The following TXLNG variants were observed in gnomAD, a reference collection of about 807,000 sequenced individuals.
TXLNG encodes gamma-taxilin.
In TXLNG, 5 loss-of-function variants were observed where a neutral mutation model predicts 38.8. The ratio of observed to expected loss-of-function variants is 0.13; its 90% CI spans 0.07 to 0.27. The LOEUF (loss-of-function observed/expected upper bound fraction) is 0.27. TXLNG is among the 10% of genes least tolerant of loss of function. The pLI, the probability that TXLNG is intolerant of heterozygous loss-of-function variation, is 1.00. For synonymous variants in TXLNG, 182 were observed against 158.2 expected, an observed-to-expected ratio of 1.15 and a Z score of -1.13; for missense variants, 393 against 398.2, an observed-to-expected ratio of 0.99 and a Z score of 0.11.
intron 1 of TXLNG, among the ~76,000 whole-genome samples, chrX:16,815,493 C>T (rs963301557): frequency 9.4e-6 from 1 of 106,310 alleles, no homozygotes; most frequent in East Asian, 3.0e-4. Flanking sequence ...CATTCTTATA[C>T]CTAATGGTTT....
At chrX:16,828,700 A>G (rs1180664276) in intron 4 of TXLNG, among the ~76,000 whole-genome samples, 1 of 111,804 alleles carries the variant, frequency 8.9e-6, no homozygotes, top group African/African-American at 3.3e-5. Flanking sequence ...CCACTGGCCC[A>G]CCCCCAGCCA....
intron 4 of TXLNG, among the ~76,000 whole-genome samples, chrX:16,829,161 T>G (rs1469409764): frequency 8.9e-6 from 1 of 111,943 alleles, no homozygotes; most frequent in Non-Finnish European, 1.9e-5. Flanking sequence ...TTCTTTTTAA[T>G]CATCAGAAAG....
chrX:16,788,667 G>GTTTTT (rs10668899), intron 1 of TXLNG, among the ~76,000 whole-genome samples: 4,277 of 80,174 alleles, frequency 0.053, 347 homozygotes, highest in African/African-American at 0.15. Flanking sequence ...AACTTGTTGT[G>GTTTTT]TTTTTTTTTT....
In TXLNG at chrX:16,818,815, G is replaced by A. The variant is rs143490821; in HGVS notation, c.344G>A (p.Arg115Gln). 4.2e-5 allele frequency: 51 copies of A among 1,210,183 alleles called. No homozygotes were observed. The highest frequency in any genetic ancestry group is 5.4e-5 in the Non-Finnish European group (48 of 895,301). ...GAGGAAATCCCTGGGGGAGAAGCTC[G>A]AACAGATCCCCCTGATGGTCAGCAA... ...SREEIPGGEARTDPPDGQQDS... is the reference protein window; with the variant it reads ...SREEIPGGEAQTDPPDGQQDS... Residue 115 changes from arginine to glutamine, a missense_variant, in exon 2 of 10, where the codon CGA (arginine) becomes CAA (glutamine). By Grantham distance (43) the Arg-to-Gln change is conservative (BLOSUM62 1). Coordinates refer to ENST00000380122, the MANE Select transcript of TXLNG (RefSeq NM_018360.3).
At position 16,843,908 on chromosome X, in the gene TXLNG, C is replaced by A. The variant is rs1929977555; in HGVS notation, c.*2142C>A. The A allele has an allele frequency of 9.0e-6, 1 of 111,336 alleles. No individual in the cohort carries two copies. Among genetic ancestry groups the A allele is most frequent in the East Asian group, 2.8e-4 (1 of 3,600 alleles). The allele number at this position is 111,336 out of a possible 1,213,427, so 9.2% of individuals were successfully genotyped here. A position where few individuals can be genotyped will look rare whatever the true frequency, so the allele number is the denominator to read the frequency against. On this transcript the variant is annotated 3_prime_UTR_variant, in exon 10 of 10. Transcript: ENST00000380122. ...CCCTGTGAATAAAAACAAATGGGACCCCCTGAGAAGGACATCTTCCTACAG... is the reference window on the plus strand; with the variant it reads ...CCCTGTGAATAAAAACAAATGGGACACCCTGAGAAGGACATCTTCCTACAG...
intron 1 of TXLNG, among the ~76,000 whole-genome samples, chrX:16,795,243 C>T (rs942462471): frequency 2.7e-5 from 3 of 110,595 alleles, no homozygotes; most frequent in Non-Finnish European, 5.7e-5. Context: ...CGCCACTGCA[C>T]TCCAGCCTGG....
intron 1 of TXLNG, among the ~76,000 whole-genome samples, chrX:16,795,922 C>T (rs1183601332): frequency 2.8e-5 from 3 of 108,363 alleles, no homozygotes. Flanking sequence ...AAACAGTTCT[C>T]CAGCCTCAGT....
intron 1 of TXLNG, among the ~76,000 whole-genome samples, chrX:16,817,318 G>T (rs1052110126): frequency 2.4e-4 from 27 of 112,243 alleles, no homozygotes; most frequent in African/African-American, 8.7e-4. Context: ...TATTGCCAAA[G>T]AGTTTTTCAA....
At chrX:16,802,048 G>C (rs775395314) in intron 1 of TXLNG, among the ~76,000 whole-genome samples, 2 of 104,060 alleles carry the variant, frequency 1.9e-5, no homozygotes, top group East Asian at 6.0e-4. Flanking sequence ...CTGCCTCCTG[G>C]GTTCACACGA....
At position 16,834,348 on chromosome X, in the gene TXLNG, A is replaced by G. The variant is rs775085687; in HGVS notation, c.1050A>G (p.Leu350=). The part of the protein sequence containing the change: ...YEQMKQQEVQ[L]KQQLSLYMDK... ...AAATGAAACAGCAAGAAGTACAACT[A>G]AAACAGCAGGTAACTTCACAGCAGG... is the stretch of plus-strand genomic sequence containing the variant. The change falls in exon 7 of 10, where the codon CTA becomes CTG. Residue 350 remains leucine, a synonymous_variant. Coordinates refer to ENST00000380122, the MANE Select transcript of TXLNG (RefSeq NM_018360.3). The G allele has an allele frequency of 2.5e-6, 3 of 1,207,077 alleles. No homozygotes were observed. The South Asian group carries it at 5.4e-5, about 22-fold the overall frequency.
chrX:16,840,597 C>A (rs897649014), intron 9 of TXLNG: 1 of 239,081 alleles, frequency 4.2e-6, no homozygotes, highest in Non-Finnish European at 5.9e-6. Flanking sequence ...CATCGTGAAA[C>A]CCCGTCTCTA....
intron 1 of TXLNG, among the ~76,000 whole-genome samples, chrX:16,787,625 A>G (rs750196817): frequency 2.7e-5 from 3 of 110,721 alleles, no homozygotes; most frequent in Non-Finnish European, 5.7e-5. Flanking sequence ...AGATTGCACA[A>G]CGAACGGGGT....
In TXLNG at chrX:16,841,959, A is replaced by C; in HGVS notation, c.*193A>C. On this transcript the variant is annotated 3_prime_UTR_variant, in exon 10 of 10. Coordinates refer to ENST00000380122, the MANE Select transcript of TXLNG (RefSeq NM_018360.3). ...ATAGTTTAATCTATAAATTTTCCTC[A>C]GCTGTGTTGCACATCAGCCTCGTTC... is the stretch of plus-strand genomic sequence containing the variant. 2 of 459,597 alleles carry C rather than the reference A, an allele frequency of 4.4e-6. No homozygotes were observed. Among genetic ancestry groups the C allele is most frequent in the South Asian group, 8.1e-5 (2 of 24,752 alleles). 37.9% of individuals were successfully genotyped at this position (459,597 alleles called of 1,213,427 possible). A position where few individuals can be genotyped will look rare whatever the true frequency, so the allele number is the denominator to read the frequency against.
At chrX:16,834,786 A>C (rs1173471316) in intron 7 of TXLNG, among the ~76,000 whole-genome samples, 1 of 112,620 alleles carries the variant, frequency 8.9e-6, no homozygotes, top group Non-Finnish European at 1.9e-5. Context: ...GCTAAACAAG[A>C]CAAGAATATG....
chrX:16,791,067 G>A, intron 1 of TXLNG, among the ~76,000 whole-genome samples: 3 of 112,350 alleles, frequency 2.7e-5, no homozygotes, highest in Non-Finnish European at 1.9e-5. Flanking sequence ...TGAAGAAGGA[G>A]TTGATGGGAC....
chrX:16,806,244 C>T (rs12008208), intron 1 of TXLNG, among the ~76,000 whole-genome samples: 20 of 112,251 alleles, frequency 1.8e-4, no homozygotes, highest in African/African-American at 6.5e-4. Context: ...TTAGGAGGAA[C>T]GTTTATGTTT....
intron 3 of TXLNG, among the ~76,000 whole-genome samples, chrX:16,826,228 G>C (rs1929160293): frequency 8.9e-6 from 1 of 111,847 alleles, no homozygotes; most frequent in Admixed American, 9.5e-5. Context: ...CTGGGCAGCC[G>C]TGTACAGTTC....
chrX:16,841,987 C>T lies in TXLNG; in HGVS notation c.*221C>T, dbSNP rs1055993616. The T allele has an allele frequency of 2.5e-6, 1 of 402,681 alleles. No homozygotes were observed. Among genetic ancestry groups the T allele is most frequent in the African/African-American group, 2.5e-5 (1 of 39,543 alleles). The allele number at this position is 402,681 out of a possible 1,213,427, so 33.2% of individuals were successfully genotyped here. On this transcript the variant is annotated 3_prime_UTR_variant, in exon 10 of 10. Transcript: ENST00000380122. Reference sequence around the variant, plus strand: ...TGTGTTGCACATCAGCCTCGTTCTCCCTCCACTGGAATGCATGTGTTCATT... The same window carrying T: ...TGTGTTGCACATCAGCCTCGTTCTCTCTCCACTGGAATGCATGTGTTCATT...
At chrX:16,823,458 CAAAAAAAAAAA>C (rs11311011) in intron 3 of TXLNG, among the ~76,000 whole-genome samples, 1 of 24,959 alleles carries the variant, frequency 4.0e-5, no homozygotes, top group African/African-American at 1.6e-4. Flanking sequence ...AACTCTGTCT[CAAAAAAAAAAA>C]AAAAAAAAAA....
Sources: gnomAD v4.1 joint callset for allele counts (sites outside exome capture counted in the v4.1 genomes callset) on GRCh38, gnomAD v4.1.1 for gene constraint, MANE v1.5 for transcripts, NCBI Gene and HGNC (gene_info 2026-07-23, HGNC 2026-07-21) for gene names.